EYS: variants seen among roughly 807,000 people sequenced by gnomAD.
EYS encodes the protein EGF-like photoreceptor maintenance factor, also known as protein eyes shut homolog.
EYS carries 250 observed loss-of-function variants against 282.1 expected under a neutral mutation model. That is an observed-to-expected ratio of 0.89 (90% confidence interval 0.80 to 0.98). EYS has a LOEUF of 0.98. EYS is among the 50% of genes least tolerant of loss of function. EYS has a pLI of 0.00. For synonymous variants in EYS, 1,355 were observed against 1,282.9 expected, an observed-to-expected ratio of 1.06 and a Z score of -1.20; for missense variants, 4,016 against 3,709.0, an observed-to-expected ratio of 1.08 and a Z score of -2.15.
intron 26 of EYS, among the ~76,000 whole-genome samples, chr6:64,570,097 T>C (rs912748653): frequency 6.6e-6 from 1 of 152,198 alleles, no homozygotes; most frequent in East Asian, 1.9e-4. Context: ...TGGATGTCTC[T>C]GAAGAAACCC....
chr6:65,026,370 C>T (rs1373341443), intron 13 of EYS, among the ~76,000 whole-genome samples: 1 of 151,854 alleles, frequency 6.6e-6, no homozygotes, highest in Non-Finnish European at 1.5e-5. Context: ...TCTAAACTTT[C>T]TTAACAGAAG....
At chr6:65,139,556 A>G (rs1212363202) in intron 12 of EYS, among the ~76,000 whole-genome samples, 2 of 152,098 alleles carry the variant, frequency 1.3e-5, no homozygotes, top group African/African-American at 4.8e-5. Flanking sequence ...TTTCTATAAC[A>G]GACCTGCCCA....
At chr6:65,652,117 A>G (rs974207854) in intron 1 of EYS, among the ~76,000 whole-genome samples, 1 of 152,062 alleles carries the variant, frequency 6.6e-6, no homozygotes, top group African/African-American at 2.4e-5. Flanking sequence ...AGCTCAAACT[A>G]GAGGGAAGCT....
In EYS at chr6:65,027,935, G is replaced by C. The variant is rs560739905; in HGVS notation, c.2137+29679C>G. The stretch of plus-strand genomic sequence containing the variant: ...CACTTGAGTAAATACTTGATTGCTG[G>C]ATTGTATGGTAAAGTGAATACTTAA... On this transcript the variant is annotated intron_variant, in intron 13 of 42. Transcript: ENST00000503581. Among the ~76,000 whole-genome samples the C allele has an allele frequency of 3.9e-5, 6 of 152,222 alleles. No individual in the cohort carries two copies. In the South Asian group the frequency reaches 1.2e-3, roughly 32 times the overall value.
intron 29 of EYS, among the ~76,000 whole-genome samples, chr6:64,310,295 C>A (rs1187667593): frequency 6.6e-6 from 1 of 152,046 alleles, no homozygotes; most frequent in Non-Finnish European, 1.5e-5. Context: ...ATGTTCACTG[C>A]AACACTATTC....
At chr6:65,442,048 T>C (rs1024698615) in intron 5 of EYS, among the ~76,000 whole-genome samples, 3 of 152,126 alleles carry the variant, frequency 2.0e-5, no homozygotes, top group Admixed American at 6.6e-5. Flanking sequence ...CTGGTTTATT[T>C]ACTTCATACA....
intron 36 of EYS, among the ~76,000 whole-genome samples, chr6:63,816,278 C>A (rs1238680117): frequency 6.6e-6 from 1 of 152,028 alleles, no homozygotes. Context: ...GTGCCTATCT[C>A]AAACTATAAT....
At chr6:65,636,488 A>G (rs1767095125) in intron 2 of EYS, among the ~76,000 whole-genome samples, 1 of 152,128 alleles carries the variant, frequency 6.6e-6, no homozygotes. Context: ...TTCTCTTGCA[A>G]ATTTCTGCTC....
chr6:65,287,087 C>A (rs1214476478), intron 12 of EYS, among the ~76,000 whole-genome samples: 1 of 151,242 alleles, frequency 6.6e-6, no homozygotes, highest in African/African-American at 2.4e-5. Flanking sequence ...TAAAGTAGGG[C>A]AGGTATACAG....
intron 34 of EYS, among the ~76,000 whole-genome samples, chr6:63,995,891 C>A (rs904126923): frequency 5.9e-5 from 9 of 151,798 alleles, no homozygotes; most frequent in Admixed American, 2.0e-4. Flanking sequence ...TATTGCACAG[C>A]ATGGTGACTA....
intron 29 of EYS, among the ~76,000 whole-genome samples, chr6:64,314,274 A>G (rs923443886): frequency 3.3e-5 from 5 of 151,608 alleles, no homozygotes; most frequent in African/African-American, 1.2e-4. Context: ...ACAAAGATCC[A>G]AAGAGACAAA....
At chr6:64,285,653 C>T (rs1304497765) in intron 30 of EYS, among the ~76,000 whole-genome samples, 1 of 152,160 alleles carries the variant, frequency 6.6e-6, no homozygotes, top group Non-Finnish European at 1.5e-5. Context: ...TTAATAAAAA[C>T]ATACCTGATA....
intron 22 of EYS, among the ~76,000 whole-genome samples, chr6:64,647,813 C>T (rs1374898069): frequency 1.3e-5 from 2 of 152,160 alleles, no homozygotes; most frequent in African/African-American, 4.8e-5. Flanking sequence ...GTTCAACCGA[C>T]TCCTTATAGG....
At chr6:64,627,629 C>T (rs1767649384) in intron 22 of EYS, among the ~76,000 whole-genome samples, 1 of 152,174 alleles carries the variant, frequency 6.6e-6, no homozygotes, top group African/African-American at 2.4e-5. Context: ...TACACAGTTA[C>T]TTAGGTGATA....
chr6:63,940,497 G>A (rs1765200820), intron 35 of EYS, among the ~76,000 whole-genome samples: 1 of 152,118 alleles, frequency 6.6e-6, no homozygotes. Flanking sequence ...AAAGCAAAAG[G>A]AAGGTGATGG....
intron 22 of EYS, among the ~76,000 whole-genome samples, chr6:64,677,114 A>T (rs1769717010): frequency 6.6e-6 from 1 of 152,178 alleles, no homozygotes; most frequent in Non-Finnish European, 1.5e-5. Context: ...CATGCTGCCT[A>T]GGCCATTATC....
chr6:65,153,694 A>C (rs1362727650), intron 12 of EYS, among the ~76,000 whole-genome samples: 2 of 151,758 alleles, frequency 1.3e-5, no homozygotes, highest in African/African-American at 4.8e-5. Context: ...AAGGGTGATC[A>C]TCAGTGATAT....
intron 26 of EYS, among the ~76,000 whole-genome samples, chr6:64,476,395 TTCTCC>T: frequency 6.6e-6 from 1 of 152,222 alleles, no homozygotes; most frequent in Non-Finnish European, 1.5e-5. Context: ...AGCTACCTGT[TTCTCC>T]ACTTCCAGAT....
At chr6:63,878,472 C>T (rs907861024) in intron 35 of EYS, among the ~76,000 whole-genome samples, 1 of 152,200 alleles carries the variant, frequency 6.6e-6, no homozygotes, top group Non-Finnish European at 1.5e-5. Flanking sequence ...TCTCAAACTC[C>T]ATGCTCGGAG....
Sources: allele counts gnomAD v4.1 joint callset (sites outside exome capture counted in the v4.1 genomes callset), GRCh38; gene constraint gnomAD v4.1.1; transcripts MANE v1.5; gene names NCBI Gene and HGNC (gene_info 2026-07-23, HGNC 2026-07-21).